GALNT13: variants seen among roughly 807,000 people sequenced by gnomAD.
GALNT13 encodes the protein polypeptide N-acetylgalactosaminyltransferase 13.
GALNT13 carries 28 observed loss-of-function variants against 64.2 expected under a neutral mutation model. The observed-to-expected ratio is 0.44, with a 90% confidence interval of 0.32 to 0.60. The LOEUF (loss-of-function observed/expected upper bound fraction) is 0.60. GALNT13 is among the 20% of genes least tolerant of loss of function. The pLI, the probability that GALNT13 is intolerant of heterozygous loss-of-function variation, is 0.05. For missense variants in GALNT13, 577 were observed against 669.8 expected, an observed-to-expected ratio of 0.86 and a Z score of 1.53; for synonymous variants, 214 against 224.6, an observed-to-expected ratio of 0.95 and a Z score of 0.42.
At chr2:153,822,180 A>G in the GALNT13 span, among the ~76,000 whole-genome samples, 1 of 152,142 alleles carries the variant, frequency 6.6e-6, no homozygotes, top group Non-Finnish European at 1.5e-5. Context: ...TACCAATCCT[A>G]CTGAAACTAT....
At chr2:153,718,839 T>C in the GALNT13 span, among the ~76,000 whole-genome samples, 2 of 152,220 alleles carry the variant, frequency 1.3e-5, no homozygotes, top group Non-Finnish European at 2.9e-5. Context: ...GAAGGCATTT[T>C]AGAAGTATAA....
At chr2:154,043,827 G>A (rs1228733443) in intron 3 of GALNT13, among the ~76,000 whole-genome samples, 1 of 152,068 alleles carries the variant, frequency 6.6e-6, no homozygotes, top group Non-Finnish European at 1.5e-5. Context: ...GCTTGGCCAG[G>A]TGCAGTGGCT....
chr2:153,083,909 T>C, the GALNT13 span, among the ~76,000 whole-genome samples: 2 of 152,244 alleles, frequency 1.3e-5, no homozygotes, highest in Non-Finnish European at 2.9e-5. Flanking sequence ...GAGTTGGTTT[T>C]TGCATAAGGT....
downstream of GALNT13, among the ~76,000 whole-genome samples, chr2:154,455,542 G>T (rs954250619): frequency 1.3e-5 from 2 of 151,846 alleles, no homozygotes; most frequent in East Asian, 3.9e-4. Flanking sequence ...TCAGGATTCC[G>T]CCACTGCCCA....
the GALNT13 span, among the ~76,000 whole-genome samples, chr2:153,086,302 G>A: frequency 6.6e-6 from 1 of 152,276 alleles, no homozygotes. Flanking sequence ...AGGCATGATT[G>A]GTTTTGAAAT....
chr2:153,208,244 C>G, the GALNT13 span: 2 of 152,082 alleles, frequency 1.3e-5, no homozygotes, highest in African/African-American at 4.8e-5. Flanking sequence ...ATATAATCAC[C>G]ACCAAAATAA....
intron 2 of GALNT13, among the ~76,000 whole-genome samples, chr2:153,943,225 CTT>C (rs1396450104): frequency 1.3e-5 from 2 of 152,084 alleles, no homozygotes; most frequent in Non-Finnish European, 2.9e-5. Context: ...AAAAATGTCT[CTT>C]AATAATTATG....
chr2:154,152,346 C>G (rs1684093085), intron 4 of GALNT13, among the ~76,000 whole-genome samples: 1 of 152,086 alleles, frequency 6.6e-6, no homozygotes, highest in Non-Finnish European at 1.5e-5. Flanking sequence ...CGACCTTTCT[C>G]TCTGGCTGCC....
At chr2:153,083,413 A>G in the GALNT13 span, among the ~76,000 whole-genome samples, 2 of 151,984 alleles carry the variant, frequency 1.3e-5, no homozygotes, top group African/African-American at 2.4e-5. Context: ...TTATTTTTTG[A>G]TTTTTAAATT....
chr2:153,410,874 TAG>T, the GALNT13 span, among the ~76,000 whole-genome samples: 12 of 147,322 alleles, frequency 8.1e-5, no homozygotes, highest in Non-Finnish European at 9.0e-5. Flanking sequence ...AATATATATT[TAG>T]AGAGAGAGAG....
the GALNT13 span, among the ~76,000 whole-genome samples, chr2:153,257,158 G>A: frequency 3.3e-5 from 5 of 152,318 alleles, no homozygotes; most frequent in Admixed American, 6.5e-5. Context: ...CTTGTGGTGC[G>A]CCGTTTTTTA....
At chr2:154,051,400 C>G (rs1318471582) in intron 3 of GALNT13, among the ~76,000 whole-genome samples, 3 of 149,886 alleles carry the variant, frequency 2.0e-5, no homozygotes, top group Non-Finnish European at 4.4e-5. Context: ...ACGCCATTCT[C>G]CTGCCTCAGC....
chr2:153,884,286 A>AT (rs397951424), intron 1 of GALNT13, among the ~76,000 whole-genome samples: 1 of 151,866 alleles, frequency 6.6e-6, no homozygotes, highest in Non-Finnish European at 1.5e-5. Context: ...GAAAAAAAAA[A>AT]TGTGATTATG....
At chr2:154,233,946 A>G (rs1266250292) in intron 4 of GALNT13, among the ~76,000 whole-genome samples, 2 of 152,158 alleles carry the variant, frequency 1.3e-5, no homozygotes, top group Non-Finnish European at 2.9e-5. Context: ...CAGAGATTAA[A>G]GTGAGTAAGC....
At chr2:154,150,508 C>T (rs1484946829) in intron 4 of GALNT13, among the ~76,000 whole-genome samples, 4 of 152,232 alleles carry the variant, frequency 2.6e-5, no homozygotes, top group Non-Finnish European at 5.9e-5. Context: ...GGAATGGTAC[C>T]AGTTCCTCCT....
chr2:153,792,667 G>T, the GALNT13 span, among the ~76,000 whole-genome samples: 1 of 151,888 alleles, frequency 6.6e-6, no homozygotes, highest in Non-Finnish European at 1.5e-5. Flanking sequence ...TACTTGTATG[G>T]GTATACTCTA....
the GALNT13 span, among the ~76,000 whole-genome samples, chr2:153,088,749 T>C: frequency 3.9e-3 from 590 of 152,310 alleles, 5 homozygotes; most frequent in Non-Finnish European, 6.7e-3. Context: ...TTTACTGTTG[T>C]TGCTTTAAAA....
chr2:153,700,731 C>T, the GALNT13 span, among the ~76,000 whole-genome samples: 665 of 152,066 alleles, frequency 4.4e-3, 4 homozygotes, highest in Non-Finnish European at 7.4e-3. Flanking sequence ...ATGAACGATC[C>T]CCTATCCACA....
the GALNT13 span, among the ~76,000 whole-genome samples, chr2:153,160,224 T>G: frequency 3.3e-5 from 5 of 152,152 alleles, no homozygotes; most frequent in Non-Finnish European, 7.3e-5. Flanking sequence ...ATTTAATAAT[T>G]TATTCAAAAC....
Sources: allele counts gnomAD v4.1 joint callset (sites outside exome capture counted in the v4.1 genomes callset), GRCh38; gene constraint gnomAD v4.1.1; transcripts MANE v1.5; gene names NCBI Gene and HGNC (gene_info 2026-07-23, HGNC 2026-07-21).